The following MAGI1 variants were observed in gnomAD, a reference collection of about 807,000 sequenced individuals.
MAGI1 encodes the protein membrane associated guanylate kinase, WW and PDZ domain containing 1.
In MAGI1, 58 loss-of-function variants were observed where a neutral mutation model predicts 139.9. That is an observed-to-expected ratio of 0.41 (90% confidence interval 0.34 to 0.52). MAGI1 has a LOEUF of 0.52. Among genes scored for constraint, MAGI1 ranks in the 20% least tolerant of loss-of-function variants. The pLI is 0.12. For synonymous variants in MAGI1, 812 were observed against 737.9 expected, an observed-to-expected ratio of 1.10 and a Z score of -1.63; for missense variants, 1,874 against 1,901.6, an observed-to-expected ratio of 0.99 and a Z score of 0.27.
chr3:65,820,720 G>C (rs1371859360), intron 1 of MAGI1, among the ~76,000 whole-genome samples: 1 of 152,154 alleles, frequency 6.6e-6, no homozygotes, highest in African/African-American at 2.4e-5. Context: ...GTTGTCTTAA[G>C]TAAATAATGT....
intron 2 of MAGI1, among the ~76,000 whole-genome samples, chr3:65,586,148 T>G (rs899679730): frequency 4.6e-5 from 7 of 151,592 alleles, no homozygotes; most frequent in African/African-American, 1.7e-4. Flanking sequence ...AGGTTTAGGT[T>G]GGAGTGAGCC....
At chr3:65,971,351 T>C (rs1191242454) in intron 1 of MAGI1, among the ~76,000 whole-genome samples, 1 of 152,194 alleles carries the variant, frequency 6.6e-6, no homozygotes, top group Non-Finnish European at 1.5e-5. Flanking sequence ...TTAAGTGATG[T>C]TGAGCCTGAA....
intron 1 of MAGI1, among the ~76,000 whole-genome samples, chr3:65,751,307 T>C (rs547410396): frequency 3.9e-4 from 60 of 152,270 alleles, no homozygotes; most frequent in African/African-American, 1.4e-3. Context: ...TGCTGGGCAA[T>C]GGTGCACTGA....
rs551605148 is a variant in MAGI1 at position 65,658,550 on chromosome 3, T to A, written c.314-36462A>T. ...CTGAAATGTTAATACGCATCTCAAT[T>A]ATCTAGGGATTTGGTTAAAATGCTC... On this transcript the variant is annotated intron_variant, in intron 1 of 22. Transcript: ENST00000402939. 4.5e-3 allele frequency among the ~76,000 whole-genome samples: 687 copies of A among 152,330 alleles called. 7 individuals are homozygous for A. Among genetic ancestry groups the A allele is most frequent in the African/African-American group, 0.016 (659 of 41,584 alleles).
intron 1 of MAGI1, among the ~76,000 whole-genome samples, chr3:65,812,468 T>TCACACACACACACACACACACACA (rs1553711393): frequency 5.4e-4 from 48 of 89,008 alleles, no homozygotes; most frequent in South Asian, 2.4e-3. Flanking sequence ...TCTCTCTCTC[T>TCACACACACACACACACACACACA]CACACACACA....
At chr3:65,594,199 C>T (rs920867541) in intron 2 of MAGI1, among the ~76,000 whole-genome samples, 1 of 152,170 alleles carries the variant, frequency 6.6e-6, no homozygotes, top group Non-Finnish European at 1.5e-5. Flanking sequence ...TGGCATCAGT[C>T]ATCAACTCAC....
rs537738676 is a variant in MAGI1, at chr3:65,434,797, C to G, written c.1363+2358G>C. Among the ~76,000 whole-genome samples, 7 of 152,088 alleles carry G rather than the reference C, an allele frequency of 4.6e-5. No individual in the cohort carries two copies. The South Asian group carries it at 1.5e-3, about 32-fold the overall frequency. ...CCAAAGATTATAAAAGTGCTTGAAA[C>G]GTGTGGATCAACAGAGAGACTACAC... is the stretch of plus-strand genomic sequence containing the variant. On this transcript the variant is annotated intron_variant, in intron 10 of 22. Coordinates refer to ENST00000402939, the MANE Select transcript of MAGI1 (RefSeq NM_001033057.2).
intron 1 of MAGI1, among the ~76,000 whole-genome samples, chr3:65,811,525 G>A (rs144742083): frequency 6.6e-6 from 1 of 152,138 alleles, no homozygotes; most frequent in Non-Finnish European, 1.5e-5. Flanking sequence ...GCAAAGCAGA[G>A]TCTCTTTCTA....
At chr3:66,025,779 C>T (rs949157794) in intron 1 of MAGI1, among the ~76,000 whole-genome samples, 1 of 152,026 alleles carries the variant, frequency 6.6e-6, no homozygotes, top group South Asian at 2.1e-4. Flanking sequence ...GGTGGGATTA[C>T]GGGCAATTCG....
chr3:65,534,574 T>G (rs1181999536), intron 2 of MAGI1, among the ~76,000 whole-genome samples: 1 of 152,162 alleles, frequency 6.6e-6, no homozygotes, highest in African/African-American at 2.4e-5. Context: ...CTTGGGCAAG[T>G]GTCTGCATAA....
chr3:65,604,570 C>A (rs1250850105), intron 2 of MAGI1, among the ~76,000 whole-genome samples: 2 of 152,014 alleles, frequency 1.3e-5, no homozygotes, highest in East Asian at 1.9e-4. Flanking sequence ...AATCACTTCA[C>A]AGTTATTTAT....
At chr3:65,611,912 A>G (rs2083145652) in intron 2 of MAGI1, among the ~76,000 whole-genome samples, 1 of 151,854 alleles carries the variant, frequency 6.6e-6, no homozygotes, top group Non-Finnish European at 1.5e-5. Flanking sequence ...AATAGTAATT[A>G]CTTCCTTTAT....
chr3:65,414,685 T>C (rs1210089238), intron 12 of MAGI1, among the ~76,000 whole-genome samples: 1 of 152,068 alleles, frequency 6.6e-6, no homozygotes, highest in East Asian at 1.9e-4. Context: ...TTCTTTCTTT[T>C]GTGAACTAAG....
At chr3:65,372,786 T>G (rs1942131811) in intron 18 of MAGI1, among the ~76,000 whole-genome samples, 1 of 152,346 alleles carries the variant, frequency 6.6e-6, no homozygotes, top group African/African-American at 2.4e-5. Flanking sequence ...CGGAGATGGT[T>G]TATTTCTTTA....
At chr3:65,645,973 A>G (rs1053120833) in intron 1 of MAGI1, among the ~76,000 whole-genome samples, 2 of 152,100 alleles carry the variant, frequency 1.3e-5, no homozygotes, top group African/African-American at 4.8e-5. Context: ...CACAGGAAGA[A>G]TAAAAAAGAA....
At chr3:65,969,235 C>T (rs1342210427) in intron 1 of MAGI1, among the ~76,000 whole-genome samples, 1 of 152,154 alleles carries the variant, frequency 6.6e-6, no homozygotes, top group Admixed American at 6.5e-5. Flanking sequence ...TTCCACATGC[C>T]ACAAAACATT....
chr3:65,870,570 T>A (rs1575781568), intron 1 of MAGI1, among the ~76,000 whole-genome samples: 4 of 132,188 alleles, frequency 3.0e-5, no homozygotes, highest in Admixed American at 8.2e-5. Flanking sequence ...AGTAAGAGAG[T>A]CAAATCAAGT....
At chr3:65,803,933 G>C (rs1228037869) in intron 1 of MAGI1, among the ~76,000 whole-genome samples, 1 of 152,084 alleles carries the variant, frequency 6.6e-6, no homozygotes, top group Non-Finnish European at 1.5e-5. Flanking sequence ...ACAATAACAC[G>C]AGTGCTTCAA....
chr3:65,953,729 C>G (rs994439714), intron 1 of MAGI1, among the ~76,000 whole-genome samples: 1 of 152,202 alleles, frequency 6.6e-6, no homozygotes, highest in South Asian at 2.1e-4. Context: ...AGACAACAAC[C>G]TCAGCACAGA....
Sources: allele counts gnomAD v4.1 joint callset (sites outside exome capture counted in the v4.1 genomes callset), GRCh38; gene constraint gnomAD v4.1.1; transcripts MANE v1.5; gene names NCBI Gene and HGNC (gene_info 2026-07-23, HGNC 2026-07-21).